IFI27L1: variants seen among roughly 807,000 people sequenced by gnomAD.
IFI27L1 encodes the protein interferon alpha-inducible protein 27-like protein 1.
IFI27L1 carries 3 observed loss-of-function variants against 9.2 expected under a neutral mutation model. The ratio of observed to expected loss-of-function variants is 0.32; its 90% CI spans 0.15 to 0.84. The LOEUF (loss-of-function observed/expected upper bound fraction) is 0.84, where lower values mean the gene tolerates loss of function less well. Ranked by LOEUF, IFI27L1 falls within the 40% of genes least tolerant of loss-of-function variation. The probability of loss-of-function intolerance (pLI) is 0.56; values close to 1 mark genes in which losing one functional copy is unlikely to be tolerated. For missense variants in IFI27L1, 133 were observed against 134.2 expected (o/e 0.99, Z 0.05); for synonymous variants, 53 against 50.0 (o/e 1.06, Z -0.26).
intron 4 of IFI27L1, 180 bp downstream of exon 4, chr14:94,102,155 C>A: frequency 1.5e-6 from 1 of 669,486 alleles, no homozygotes; most frequent in Non-Finnish European, 2.6e-6. Flanking sequence ...AAGAGATCTG[C>A]ATTCCTGGTG....
chr14:94,097,396 G>A (rs1886712171), intron 2 of IFI27L1: 2 of 576,358 alleles, frequency 3.5e-6, no homozygotes, highest in South Asian at 4.4e-5. Flanking sequence ...TCTTTTCATA[G>A]GCATGTGTGC....
rs774631061 is a variant in IFI27L1, at chr14:94,088,249, A to G, written c.-52+6800A>G. 20 of 702,134 alleles carry G rather than the reference A, an allele frequency of 2.8e-5. No individual in the cohort carries two copies. The South Asian group carries it at 3.0e-4, about 10-fold the overall frequency. 43.5% of individuals were successfully genotyped at this position (702,134 alleles called of 1,614,324 possible). On this transcript the variant is annotated intron_variant, in intron 1 of 4. Coordinates refer to ENST00000555523, the MANE Select transcript of IFI27L1 (RefSeq NM_206949.3). ...TAGTAGGGACTTGTTTTTTTGCAGT[A>G]GCAGAAGCAGAGTCCCAGGATCCAT...
At chr14:94,084,916 T>C (rs1213138859) in intron 1 of IFI27L1, among the ~76,000 whole-genome samples, 2 of 152,206 alleles carry the variant, frequency 1.3e-5, no homozygotes, top group Non-Finnish European at 2.9e-5. Flanking sequence ...GAGTTTTTGC[T>C]TACACAGTTT....
chr14:94,099,945 A>G (rs1448984171), intron 2 of IFI27L1, among the ~76,000 whole-genome samples: 1 of 152,214 alleles, frequency 6.6e-6, no homozygotes, highest in African/African-American at 2.4e-5. Context: ...AGATGTGACT[A>G]GTGCAACTGA....
intron 1 of IFI27L1, among the ~76,000 whole-genome samples, chr14:94,087,164 AAATAAT>A (rs1431936720): frequency 6.6e-6 from 1 of 152,222 alleles, no homozygotes; most frequent in East Asian, 1.9e-4. Context: ...TTACTTTTAC[AAATAAT>A]AATAATAACA....
chr14:94,101,665 G>A (rs1049247410), intron 3 of IFI27L1, 149 bp from the exon 4 acceptor site: 7 of 713,060 alleles, frequency 9.8e-6, no homozygotes, highest in Admixed American at 2.7e-5. Context: ...TGCTTTACAC[G>A]TTGACTGCCC....
chr14:94,102,093 T>C, intron 4 of IFI27L1, 118 bp downstream of exon 4: 1 of 1,045,076 alleles, frequency 9.6e-7, no homozygotes. Flanking sequence ...GCCCTTTGTC[T>C]TTCTGTCACT....
At position 94,097,394 on chromosome 14, in the gene IFI27L1, T is replaced by C. The variant is rs184766168; in HGVS notation, c.28+429T>C. ...AGCATCTTTGTAATAGCTCTTTTCA[T>C]AGGCATGTGTGCCTGAGAGCCCCTC... is the stretch of plus-strand genomic sequence containing the variant. On this transcript the variant is annotated intron_variant, in intron 2 of 4. Coordinates refer to ENST00000555523, the MANE Select transcript of IFI27L1 (RefSeq NM_206949.3). The C allele has an allele frequency of 4.0e-5, 23 of 572,826 alleles. No individual in the cohort carries two copies. The Admixed American group carries it at 7.2e-4, about 18-fold the overall frequency. 35.5% of individuals were successfully genotyped at this position (572,826 alleles called of 1,614,324 possible).
chr14:94,101,942 G>A lies in IFI27L1; in HGVS notation c.190G>A (p.Ala64Thr). 6.2e-7 allele frequency: 1 copy of A among 1,614,252 alleles called. No individual in the cohort carries two copies. Among genetic ancestry groups the A allele is most frequent in the Non-Finnish European group, 8.5e-7 (1 of 1,180,046 alleles). ...AAIANGGGVA[A>T]GSLVAILQSV... ...CATTGCCAACGGGGGCGGAGTTGCT[G>A]CTGGCAGTCTGGTGGCTATTCTGCA... Residue 64 changes from alanine (A) to threonine (T), a missense_variant, in exon 4 of 5, where the codon GCT becomes ACT. Physicochemically the swap from Ala to Thr is moderately conservative, Grantham distance 58. Coordinates refer to ENST00000555523, the MANE Select transcript of IFI27L1 (RefSeq NM_206949.3).
chr14:94,086,212 T>C (rs551240895), intron 1 of IFI27L1, among the ~76,000 whole-genome samples: 2 of 152,272 alleles, frequency 1.3e-5, no homozygotes, highest in East Asian at 3.9e-4. Flanking sequence ...CTGACTCTTG[T>C]TTTCACCATC....
intron 1 of IFI27L1, among the ~76,000 whole-genome samples, chr14:94,087,572 A>G (rs1886323251): frequency 6.6e-6 from 1 of 152,006 alleles, no homozygotes; most frequent in Non-Finnish European, 1.5e-5. Flanking sequence ...GATTACAGGC[A>G]CTCGCCACCA....
At chr14:94,090,820 GA>G (rs2139266146) in intron 1 of IFI27L1, among the ~76,000 whole-genome samples, 1 of 152,344 alleles carries the variant, frequency 6.6e-6, no homozygotes, top group South Asian at 2.1e-4. Flanking sequence ...AAATGAAATG[GA>G]TTCTTATTGT....
chr14:94,097,683 A>G (rs1466940246), intron 2 of IFI27L1: 3 of 702,344 alleles, frequency 4.3e-6, no homozygotes, highest in South Asian at 3.0e-5. Flanking sequence ...CTGAAGGTGA[A>G]TAAGCATTCA....
intron 3 of IFI27L1, chr14:94,101,163 C>G (rs527917608): frequency 2.6e-6 from 1 of 386,072 alleles, no homozygotes; most frequent in Non-Finnish European, 4.7e-6. Context: ...TGCTGGTAGC[C>G]CATCCACTGA....
At chr14:94,081,578 A>G (rs981841284) in intron 1 of IFI27L1, 129 bp downstream of exon 1, 3 of 152,328 alleles carry the variant, frequency 2.0e-5, no homozygotes, top group Non-Finnish European at 4.4e-5. Flanking sequence ...AAGCAAAAGC[A>G]AGTTTATTAA....
chr14:94,098,585 G>A (rs1168676436), intron 2 of IFI27L1, among the ~76,000 whole-genome samples: 3 of 147,938 alleles, frequency 2.0e-5, no homozygotes, highest in Non-Finnish European at 4.4e-5. Context: ...CAACAAAGAC[G>A]TTTTGAGGAA....
chr14:94,090,254 C>G (rs552055405), intron 1 of IFI27L1, among the ~76,000 whole-genome samples: 1 of 152,278 alleles, frequency 6.6e-6, no homozygotes, highest in South Asian at 2.1e-4. Flanking sequence ...CAGGAATAAG[C>G]AGGGTCAGTC....
At chr14:94,097,677 A>G (rs1886721743) in intron 2 of IFI27L1, 2 of 702,354 alleles carry the variant, frequency 2.8e-6, no homozygotes, top group Non-Finnish European at 2.6e-6. Flanking sequence ...ATATTTCTGA[A>G]GGTGAATAAG....
At chr14:94,085,763 A>G (rs1174649320) in intron 1 of IFI27L1, among the ~76,000 whole-genome samples, 1 of 152,220 alleles carries the variant, frequency 6.6e-6, no homozygotes, top group Non-Finnish European at 1.5e-5. Context: ...AAACAACATA[A>G]AGAACATTTC....
Sources: gnomAD v4.1 joint callset for allele counts (sites outside exome capture counted in the v4.1 genomes callset) on GRCh38, gnomAD v4.1.1 for gene constraint, MANE v1.5 for transcripts, NCBI Gene and HGNC (gene_info 2026-07-23, HGNC 2026-07-21) for gene names.